SUGCT: variants seen among roughly 807,000 people sequenced by gnomAD.
SUGCT encodes the protein succinyl-CoA:glutarate CoA-transferase.
In SUGCT, 41 loss-of-function variants were observed where a neutral mutation model predicts 55.0. The ratio of observed to expected loss-of-function variants is 0.74; its 90% CI spans 0.58 to 0.97. The LOEUF (loss-of-function observed/expected upper bound fraction) is 0.97. Among genes scored for constraint, SUGCT ranks in the 50% least tolerant of loss-of-function variants. SUGCT has a pLI of 0.00. For synonymous variants in SUGCT, 187 were observed against 200.4 expected (o/e 0.93, Z 0.56); for missense variants, 568 against 547.8 (o/e 1.04, Z -0.37).
At chr7:40,849,631 G>T (rs1282238905) in intron 13 of SUGCT, among the ~76,000 whole-genome samples, 2 of 152,178 alleles carry the variant, frequency 1.3e-5, no homozygotes, top group African/African-American at 2.4e-5. Flanking sequence ...AGCTAGAGTA[G>T]CTTGGGGTGT....
At chr7:40,255,719 T>A (rs1017376768) in intron 7 of SUGCT, among the ~76,000 whole-genome samples, 1 of 149,176 alleles carries the variant, frequency 6.7e-6, no homozygotes. Context: ...TTGTTTATGA[T>A]CTGTAGCTTT....
intron 12 of SUGCT, among the ~76,000 whole-genome samples, chr7:40,651,813 C>A (rs781333309): frequency 6.6e-6 from 1 of 152,186 alleles, no homozygotes; most frequent in Admixed American, 6.5e-5. Flanking sequence ...GTGCTTACCA[C>A]CGCATTTTTG....
At chr7:40,632,853 GT>G (rs1201497645) in intron 12 of SUGCT, among the ~76,000 whole-genome samples, 2 of 152,110 alleles carry the variant, frequency 1.3e-5, no homozygotes, top group Non-Finnish European at 2.9e-5. Flanking sequence ...ATTCTTAAGT[GT>G]CACTAGGGTT....
At chr7:40,320,444 T>G (rs1795666535) in intron 9 of SUGCT, among the ~76,000 whole-genome samples, 1 of 152,170 alleles carries the variant, frequency 6.6e-6, no homozygotes, top group South Asian at 2.1e-4. Context: ...ACAATTATAC[T>G]TAAAGACAGT....
intron 9 of SUGCT, among the ~76,000 whole-genome samples, chr7:40,336,290 T>G (rs1429139393): frequency 1.3e-5 from 2 of 152,160 alleles, no homozygotes; most frequent in Non-Finnish European, 2.9e-5. Context: ...ACTCCTTCTT[T>G]TTCTGTTGTT....
At chr7:40,961,207 C>T in the SUGCT span, among the ~76,000 whole-genome samples, 1 of 152,184 alleles carries the variant, frequency 6.6e-6, no homozygotes, top group Non-Finnish European at 1.5e-5. Flanking sequence ...TTAATGTTTA[C>T]CAAATGCAAT....
At chr7:40,713,450 A>G (rs1300055669) in intron 12 of SUGCT, among the ~76,000 whole-genome samples, 1 of 152,214 alleles carries the variant, frequency 6.6e-6, no homozygotes, top group Non-Finnish European at 1.5e-5. Context: ...GGCAGGAAGA[A>G]GCAGTTCCTT....
the SUGCT span, among the ~76,000 whole-genome samples, chr7:40,995,604 C>CT: frequency 5.3e-5 from 8 of 150,966 alleles, no homozygotes; most frequent in Non-Finnish European, 8.9e-5. Flanking sequence ...GGTTCTTCAG[C>CT]TTTTTTTTTC....
the SUGCT span, among the ~76,000 whole-genome samples, chr7:40,877,006 G>A: frequency 4.5e-4 from 69 of 151,746 alleles, no homozygotes; most frequent in African/African-American, 1.2e-3. Flanking sequence ...ATATACACAC[G>A]CATTTTTCTT....
chr7:40,234,448 C>T (rs1320038792), intron 6 of SUGCT, among the ~76,000 whole-genome samples: 3 of 152,196 alleles, frequency 2.0e-5, no homozygotes, highest in Non-Finnish European at 4.4e-5. Context: ...GGCGTTATTT[C>T]TGCACAGAGA....
At chr7:40,931,545 C>T in the SUGCT span, among the ~76,000 whole-genome samples, 2 of 152,160 alleles carry the variant, frequency 1.3e-5, no homozygotes, top group Non-Finnish European at 2.9e-5. Context: ...GTAAATCTGT[C>T]TGGTCCTGGA....
intron 9 of SUGCT, among the ~76,000 whole-genome samples, chr7:40,369,519 G>A (rs1206284387): frequency 6.6e-6 from 1 of 152,048 alleles, no homozygotes; most frequent in South Asian, 2.1e-4. Flanking sequence ...TTTGTGTCTG[G>A]CCCCTTATGG....
intron 12 of SUGCT, among the ~76,000 whole-genome samples, chr7:40,593,371 G>A (rs1268842069): frequency 1.3e-5 from 2 of 152,160 alleles, no homozygotes; most frequent in Non-Finnish European, 2.9e-5. Context: ...ATCCTTGGTT[G>A]GTGATTTTAG....
At chr7:40,599,640 A>G (rs1244294052) in intron 12 of SUGCT, among the ~76,000 whole-genome samples, 1 of 152,078 alleles carries the variant, frequency 6.6e-6, no homozygotes, top group South Asian at 2.1e-4. Flanking sequence ...TTAAAACCCA[A>G]TTGCTTTTGA....
intron 12 of SUGCT, among the ~76,000 whole-genome samples, chr7:40,654,550 G>A (rs1049156593): frequency 2.0e-5 from 3 of 152,114 alleles, no homozygotes; most frequent in Admixed American, 1.3e-4. Flanking sequence ...AGAGTGTAAC[G>A]AGAGCAAATG....
At chr7:40,494,257 T>C (rs1010983156) in intron 11 of SUGCT, among the ~76,000 whole-genome samples, 8 of 152,190 alleles carry the variant, frequency 5.3e-5, no homozygotes, top group Non-Finnish European at 8.8e-5. Context: ...GCTAACTGTT[T>C]TAACACTCCA....
At chr7:40,765,042 T>C (rs1392599763) in intron 13 of SUGCT, among the ~76,000 whole-genome samples, 1 of 152,214 alleles carries the variant, frequency 6.6e-6, no homozygotes, top group African/African-American at 2.4e-5. Context: ...GTCCCTACAT[T>C]CTCAGAATGT....
At chr7:40,548,868 T>A (rs1013413246) in intron 12 of SUGCT, among the ~76,000 whole-genome samples, 2 of 152,228 alleles carry the variant, frequency 1.3e-5, no homozygotes, top group African/African-American at 4.8e-5. Flanking sequence ...ACCCAATCCA[T>A]GTCTTCTTAT....
chr7:40,176,216 C>T (rs931616355), intron 1 of SUGCT, among the ~76,000 whole-genome samples: 2 of 146,560 alleles, frequency 1.4e-5, no homozygotes, highest in African/African-American at 2.7e-5. Flanking sequence ...AGCAAGACTC[C>T]ATCTCAAAAG....
Sources: allele counts gnomAD v4.1 joint callset (sites outside exome capture counted in the v4.1 genomes callset), GRCh38; gene constraint gnomAD v4.1.1; transcripts MANE v1.5; gene names NCBI Gene and HGNC (gene_info 2026-07-23, HGNC 2026-07-21).